The following RTL9 variants were observed in gnomAD, a reference collection of about 807,000 sequenced individuals.
RTL9 encodes retrotransposon Gag like 9, also known as retrotransposon Gag-like protein 9.
A neutral mutation model predicts 44.7 loss-of-function variants in RTL9; 19 were observed. The ratio of observed to expected loss-of-function variants is 0.42; its 90% confidence interval spans 0.30 to 0.62. RTL9 has a LOEUF of 0.62. Among genes scored for constraint, RTL9 ranks in the 20% least tolerant of loss-of-function variants. RTL9 has a pLI of 0.16. For synonymous variants in RTL9, 407 were observed against 398.9 expected (o/e 1.02, Z -0.24); for missense variants, 1,105 against 1,080.6 (o/e 1.02, Z -0.32).
chrX:110,446,953 T>G (rs2148345773), upstream of RTL9, among the ~76,000 whole-genome samples: 1 of 110,843 alleles, frequency 9.0e-6, no homozygotes, highest in Non-Finnish European at 1.9e-5. Context: ...TAATAGAACC[T>G]ACCTCGTAGT....
intron 1 of RTL9, among the ~76,000 whole-genome samples, chrX:110,364,077 CA>C (rs1329227841): frequency 9.0e-6 from 1 of 111,312 alleles, no homozygotes; most frequent in African/African-American, 3.3e-5. Flanking sequence ...AAGGTGTTGG[CA>C]GGGCCATGCT....
chrX:110,387,379 A>G (rs1195931107), intron 1 of RTL9, among the ~76,000 whole-genome samples: 1 of 112,169 alleles, frequency 8.9e-6, no homozygotes, highest in Non-Finnish European at 1.9e-5. Context: ...AACTGGACAA[A>G]TTTCACATAA....
intron 1 of RTL9, among the ~76,000 whole-genome samples, chrX:110,380,931 C>A (rs1033732538): frequency 1.8e-5 from 2 of 112,140 alleles, no homozygotes; most frequent in South Asian, 7.3e-4. Flanking sequence ...ACCATATATA[C>A]AAAAATTAAC....
At chrX:110,382,398 A>G (rs2068426533) in intron 1 of RTL9, among the ~76,000 whole-genome samples, 1 of 111,508 alleles carries the variant, frequency 9.0e-6, no homozygotes. Flanking sequence ...TCTGGGAGAC[A>G]TGGATGAAGC....
At chrX:110,453,634 C>G in exon 1 of RTL9, 1 of 1,211,989 alleles carries the variant, frequency 8.3e-7, no homozygotes, top group Non-Finnish European at 1.1e-6. Flanking sequence ...TTGTCACAAA[C>G]AACATATACC....
At chrX:110,390,032 T>A (rs764908300) in intron 1 of RTL9, among the ~76,000 whole-genome samples, 1 of 112,032 alleles carries the variant, frequency 8.9e-6, no homozygotes, top group African/African-American at 3.2e-5. Context: ...TTAGTTGTTT[T>A]TTTTTCACTT....
At chrX:110,448,112 C>T (rs1426911688), upstream of RTL9, among the ~76,000 whole-genome samples, 3 of 111,845 alleles carry the variant, frequency 2.7e-5, no homozygotes, top group Admixed American at 9.4e-5. Flanking sequence ...GCAGGGATAC[C>T]GGTCGCTGGA....
At chrX:110,404,329 T>G (rs1443775440) in intron 1 of RTL9, among the ~76,000 whole-genome samples, 1 of 111,778 alleles carries the variant, frequency 8.9e-6, no homozygotes, top group African/African-American at 3.3e-5. Context: ...TGTGGCCTAG[T>G]GCTTAGGATA....
At chrX:110,406,114 GTTT>G (rs201895781) in intron 1 of RTL9, among the ~76,000 whole-genome samples, 1 of 103,876 alleles carries the variant, frequency 9.6e-6, no homozygotes, top group East Asian at 2.9e-4. Flanking sequence ...CTGGAAAGTG[GTTT>G]TTTTTTTTTC....
intron 1 of RTL9, among the ~76,000 whole-genome samples, chrX:110,384,856 T>C (rs997689880): frequency 4.5e-5 from 5 of 110,932 alleles, no homozygotes; most frequent in Non-Finnish European, 9.4e-5. Flanking sequence ...GCAAAACTCC[T>C]GGGGAATCAG....
chrX:110,364,681 T>C (rs1482754630), intron 1 of RTL9, among the ~76,000 whole-genome samples: 6 of 111,783 alleles, frequency 5.4e-5, no homozygotes, highest in Non-Finnish European at 9.4e-5. Flanking sequence ...AGCTGATGAA[T>C]GGATCCTGAA....
At chrX:110,365,240 A>G (rs1393119211) in intron 1 of RTL9, among the ~76,000 whole-genome samples, 1 of 111,924 alleles carries the variant, frequency 8.9e-6, no homozygotes, top group African/African-American at 3.3e-5. Context: ...CTGAGTTAGT[A>G]TATCTGAAGA....
intron 1 of RTL9, among the ~76,000 whole-genome samples, chrX:110,442,339 A>G (rs193187706): frequency 9.7e-6 from 1 of 102,712 alleles, no homozygotes; most frequent in East Asian, 3.0e-4. Context: ...CTGACTTTTA[A>G]ATGTTGGCAA....
chrX:110,386,326 T>A (rs865961197), intron 1 of RTL9, among the ~76,000 whole-genome samples: 28 of 109,838 alleles, frequency 2.5e-4, no homozygotes, highest in African/African-American at 8.8e-4. Context: ...TTTATTAAAT[T>A]ATTATTTTTA....
At chrX:110,436,549 G>A (rs2068839827) in intron 1 of RTL9, among the ~76,000 whole-genome samples, 1 of 112,077 alleles carries the variant, frequency 8.9e-6, no homozygotes, top group Admixed American at 9.4e-5. Flanking sequence ...AACTAGGGAT[G>A]CTTCCCACTC....
upstream of RTL9, among the ~76,000 whole-genome samples, chrX:110,414,567 C>G (rs2148313389): frequency 8.8e-6 from 1 of 113,235 alleles, no homozygotes; most frequent in African/African-American, 3.2e-5. Flanking sequence ...GAGGAGGAAG[C>G]TGAGGCACAG....
intron 1 of RTL9, among the ~76,000 whole-genome samples, chrX:110,379,111 T>A: frequency 8.9e-6 from 1 of 112,135 alleles, no homozygotes; most frequent in East Asian, 2.8e-4. Flanking sequence ...AGCTCTTTCA[T>A]GATACTCGTT....
chrX:110,395,785 G>A (rs2068524788), intron 1 of RTL9, among the ~76,000 whole-genome samples: 1 of 110,890 alleles, frequency 9.0e-6, no homozygotes. Flanking sequence ...TACATGAGTT[G>A]CCCAGGGCAC....
chrX:110,419,870 T>C (rs2068704658), intron 1 of RTL9, among the ~76,000 whole-genome samples: 1 of 112,381 alleles, frequency 8.9e-6, no homozygotes, highest in East Asian at 2.8e-4. Flanking sequence ...TTTTATTGGG[T>C]ATTTACTATG....
Sources: gnomAD v4.1 joint callset for allele counts (sites outside exome capture counted in the v4.1 genomes callset) on GRCh38, gnomAD v4.1.1 for gene constraint, MANE v1.5 for transcripts, NCBI Gene and HGNC (gene_info 2026-07-23, HGNC 2026-07-21) for gene names.